The following SSUH2 variants were observed in gnomAD, a reference collection of about 807,000 sequenced individuals.
SSUH2 encodes ssu-2 homolog.
SSUH2 carries 47 observed loss-of-function variants against 55.3 expected under a neutral mutation model. That is an observed-to-expected ratio of 0.85 (90% confidence interval 0.67 to 1.08). The LOEUF is 1.08. Among genes scored for constraint, SSUH2 ranks in the 50% least tolerant of loss-of-function variants. The pLI is 0.00. For synonymous variants in SSUH2, 212 were observed against 191.5 expected (o/e 1.11, Z -0.89); for missense variants, 535 against 490.7 (o/e 1.09, Z -0.85).
intron 2 of SSUH2, among the ~76,000 whole-genome samples, chr3:8,679,093 C>T (rs1324655014): frequency 7.6e-5 from 8 of 105,710 alleles, no homozygotes; most frequent in African/African-American, 2.2e-4. Flanking sequence ...AGAGCAAGCA[C>T]CTCTTTCCCC....
intron 6 of SSUH2, among the ~76,000 whole-genome samples, chr3:8,663,203 T>C (rs1363390407): frequency 6.6e-6 from 1 of 152,250 alleles, no homozygotes; most frequent in African/African-American, 2.4e-5. Context: ...AAGCTAAAGT[T>C]CGTGGCACTG....
Position 8,635,373 on chromosome 3 carries a change from T to C in SSUH2, c.136A>G (p.Ile46Val). 6.5e-7 allele frequency: 1 copy of C among 1,535,788 alleles called. No individual in the cohort carries two copies. Among genetic ancestry groups the C allele is most frequent in the Non-Finnish European group, 8.7e-7 (1 of 1,146,674 alleles). The part of the protein sequence containing the change: ...DWLLQGGRGQ[I>V]FFPPLEAPGR... ...GGGGCCTCCAAAGGTGGGAAGAATA[T>C]CTGTCCTCCTGGAGAAGGGAAGAGT... Residue 46 changes from isoleucine to valine, a missense_variant, in exon 3 of 12, where the codon ATA becomes GTA. Physicochemically the swap from Ile to Val is conservative, Grantham distance 29. Coordinates refer to ENST00000544814, the MANE Select transcript of SSUH2 (RefSeq NM_001256748.3).
chr3:8,622,921 A>C (rs1696730964), intron 11 of SSUH2, among the ~76,000 whole-genome samples: 2 of 152,152 alleles, frequency 1.3e-5, no homozygotes, highest in Non-Finnish European at 2.9e-5. Context: ...GAAACGCAGG[A>C]TCTCAGCCCA....
intron 7 of SSUH2, 110 bp downstream of exon 7, chr3:8,629,554 A>AT: frequency 2.2e-6 from 2 of 902,124 alleles, no homozygotes; most frequent in Non-Finnish European, 3.5e-6. Flanking sequence ...CTTGGCTGAG[A>AT]TGACACAGTT....
intron 7 of SSUH2, 49 bp downstream of exon 7, chr3:8,629,615 C>T (rs1698334185): frequency 4.4e-6 from 7 of 1,601,944 alleles, no homozygotes; most frequent in Non-Finnish European, 6.0e-6. Context: ...CCAGGATCCC[C>T]CGGCCACCAC....
At chr3:8,642,375 T>G (rs981013391) in intron 1 of SSUH2, among the ~76,000 whole-genome samples, 5 of 152,320 alleles carry the variant, frequency 3.3e-5, no homozygotes, top group Admixed American at 2.0e-4. Flanking sequence ...GAACAGACAT[T>G]CTGAGTAGAC....
Position 8,627,761 on chromosome 3 carries a change from C to G in SSUH2, c.611G>C (p.Gly204Ala). The G allele has an allele frequency of 6.2e-6, 10 of 1,610,286 alleles. No homozygotes were observed. The highest frequency in any genetic ancestry group is 8.5e-6 in the Non-Finnish European group (10 of 1,178,446). Residue 204 changes from glycine (G) to alanine (A), a missense_variant, in exon 8 of 12, where the codon GGA becomes GCA. By Grantham distance (60) the Gly-to-Ala change is moderately conservative. Coordinates refer to ENST00000544814, the MANE Select transcript of SSUH2 (RefSeq NM_001256748.3). ...GGACTGCTTGGCTTTGCGCTTGGCT[C>G]CGCAGCAGGATGGGCACCGCACCTG... is the stretch of plus-strand genomic sequence containing the variant. ...AGTVRCPSCC[G>A]AKRKAKQSRR...
rs139783793 is a variant in SSUH2 at position 8,630,170 on chromosome 3, A to C, written c.526-444T>G. On this transcript the variant is annotated intron_variant, in intron 6 of 11. Transcript: ENST00000544814. Reference sequence around the variant, plus strand: ...AAAATAGCCTTGGCCCCCTTGAGAAAGGAATAGAACACTTTCTCGACCTCT... The same window carrying C: ...AAAATAGCCTTGGCCCCCTTGAGAACGGAATAGAACACTTTCTCGACCTCT... 6.0e-3 allele frequency among the ~76,000 whole-genome samples: 916 copies of C among 152,352 alleles called. 9 individuals are homozygous for C. Among genetic ancestry groups the C allele is most frequent in the Non-Finnish European group, 0.01 (686 of 68,028 alleles).
At chr3:8,634,028 T>G (rs1347091656) in intron 3 of SSUH2, 4 of 1,399,316 alleles carry the variant, frequency 2.9e-6, no homozygotes, top group Non-Finnish European at 3.9e-6. Flanking sequence ...TTAGTTGAAA[T>G]GTGGAGCTTA....
In SSUH2 at chr3:8,623,652, T is replaced by C. The variant is rs1294234572; in HGVS notation, c.878A>G (p.Tyr293Cys). The change falls in exon 11 of 12, where the codon TAC becomes TGC. Residue 293 changes from tyrosine to cysteine, a missense_variant. Transcript: ENST00000544814. ...NLFKDENSVV[Y>C]PIVDFPLRDI... ...TCGCAGAGGGAAGTCCACGATGGGG[T>C]ACACCTGGGGGAAAGAGAGAGAGAC... 17 of 1,507,002 alleles carry C rather than the reference T, an allele frequency of 1.1e-5. 1 individual carries two copies. In the East Asian group the frequency reaches 3.8e-4, roughly 34 times the overall value. 93.4% of individuals were successfully genotyped at this position (1,507,002 alleles called of 1,614,324 possible).
chr3:8,660,439 G>C (rs1409152428), intron 6 of SSUH2, among the ~76,000 whole-genome samples: 1 of 152,096 alleles, frequency 6.6e-6, no homozygotes, highest in Non-Finnish European at 1.5e-5. Context: ...GGGTTAAGAA[G>C]AAAAGAACAA....
At chr3:8,633,034 A>G (rs1699122996) in intron 4 of SSUH2, among the ~76,000 whole-genome samples, 2 of 152,060 alleles carry the variant, frequency 1.3e-5, no homozygotes, top group South Asian at 4.2e-4. Context: ...AACCAGTGAC[A>G]GTGATGCTAC....
intron 2 of SSUH2, 35 bp from the exon 3 acceptor site, chr3:8,635,416 A>C (rs1699755206): frequency 7.0e-7 from 1 of 1,420,412 alleles, no homozygotes; most frequent in Non-Finnish European, 9.5e-7. Context: ...TGGACAGCCC[A>C]GGCCAAAGGA....
At chr3:8,679,117 A>ACG in intron 2 of SSUH2, among the ~76,000 whole-genome samples, 1 of 89,080 alleles carries the variant, frequency 1.1e-5, no homozygotes, top group East Asian at 2.9e-4. Flanking sequence ...GGCTCTTAGG[A>ACG]CCCAAATTGC....
chr3:8,664,490 C>T (rs1703799548), intron 5 of SSUH2, among the ~76,000 whole-genome samples: 1 of 152,198 alleles, frequency 6.6e-6, no homozygotes, highest in African/African-American at 2.4e-5. Flanking sequence ...TTTTTTACCA[C>T]ATTTATGCCT....
intron 9 of SSUH2, 57 bp downstream of exon 9, chr3:8,626,172 A>G: frequency 1.4e-6 from 2 of 1,414,184 alleles, no homozygotes; most frequent in South Asian, 2.4e-5. Context: ...AAGCCAGTCC[A>G]GGGCTAAGTC....
rs539332891 is a variant in SSUH2 at position 8,628,948 on chromosome 3, T to C, written c.588+716A>G. ...TCCGCTCACTGCAAGCTCTGCCTCC[T>C]GGGTTCACGCCTGTCTCCTGCCTCA... is the stretch of plus-strand genomic sequence containing the variant. On this transcript the variant is annotated intron_variant, in intron 7 of 11. Transcript: ENST00000544814. 1.1e-4 allele frequency among the ~76,000 whole-genome samples: 16 copies of C among 152,300 alleles called. No homozygotes were observed. In the East Asian group the frequency reaches 2.3e-3, roughly 22 times the overall value.
At chr3:8,649,594 C>T (rs555869409), upstream of SSUH2, among the ~76,000 whole-genome samples, 5 of 152,158 alleles carry the variant, frequency 3.3e-5, no homozygotes, top group Non-Finnish European at 5.9e-5. Flanking sequence ...CAGCACTGAA[C>T]TTCTGGTCTC....
Position 8,620,056 on chromosome 3 carries a change from C to A in SSUH2, c.982-42G>T, listed in dbSNP as rs780922695. On this transcript the variant is annotated intron_variant, in intron 11 of 11. Transcript: ENST00000544814. The stretch of plus-strand genomic sequence containing the variant: ...CCAAGGAAAATGTCAGTGTTCTGTT[C>A]AAGTCACTCACCTGCTCAGGAACTT... 4.4e-6 allele frequency: 7 copies of A among 1,606,160 alleles called. No homozygotes were observed. The Admixed American group carries it at 6.7e-5, about 15-fold the overall frequency.
Sources: gnomAD v4.1 joint callset for allele counts (sites outside exome capture counted in the v4.1 genomes callset) on GRCh38, gnomAD v4.1.1 for gene constraint, MANE v1.5 for transcripts, NCBI Gene and HGNC (gene_info 2026-07-23, HGNC 2026-07-21) for gene names.